Variants in WASHC2A observed in about 807,000 individuals in gnomAD.
WASHC2A encodes the protein WASH complex subunit 2A, also known as WASH complex subunit FAM21A.
WASHC2A carries 82 observed loss-of-function variants against 140.3 expected under a neutral mutation model. The observed-to-expected ratio is 0.58, with a 90% CI of 0.49 to 0.70. The LOEUF (loss-of-function observed/expected upper bound fraction) is 0.70. Among genes scored for constraint, WASHC2A ranks in the 30% least tolerant of loss-of-function variants. The pLI is 0.00. For synonymous variants in WASHC2A, 340 were observed against 560.8 expected (o/e 0.61, Z 5.56); for missense variants, 985 against 1,521.8 (o/e 0.65, Z 5.87).
intron 17 of WASHC2A, among the ~76,000 whole-genome samples, chr10:50,102,400 G>C (rs1589228903): frequency 6.6e-6 from 1 of 152,210 alleles, no homozygotes; most frequent in Non-Finnish European, 1.5e-5. Flanking sequence ...TATCAGTTAA[G>C]GGTCCGAAAC....
At chr10:50,088,077 C>T (rs1839544953) in intron 8 of WASHC2A, among the ~76,000 whole-genome samples, 1 of 151,800 alleles carries the variant, frequency 6.6e-6, no homozygotes, top group African/African-American at 2.4e-5. Context: ...CCTTGGCCTC[C>T]CAAAATGCTG....
rs1554885529 is a variant in WASHC2A at position 50,098,855 on chromosome 10, A to G, written c.1548+1053A>G. 2.7e-5 allele frequency among the ~76,000 whole-genome samples: 4 copies of G among 148,458 alleles called. No individual in the cohort carries two copies. The South Asian group carries it at 8.8e-4, about 32-fold the overall frequency. On this transcript the variant is annotated intron_variant, in intron 16 of 30. Coordinates refer to ENST00000282633, the MANE Select transcript of WASHC2A (RefSeq NM_001005751.3). Reference sequence around the variant, plus strand: ...AGAATACAAGCAGGCAGGGTTGTGCACTTCCAGTTGGATCACCTCCCAAGA... The same window carrying G: ...AGAATACAAGCAGGCAGGGTTGTGCGCTTCCAGTTGGATCACCTCCCAAGA...
Position 50,119,974 on chromosome 10 carries a change from T to C in WASHC2A, c.2478+205T>C, listed in dbSNP as rs1382920651. 7.3e-5 allele frequency among the ~76,000 whole-genome samples: 10 copies of C among 137,124 alleles called. 2 individuals are homozygous for C. In the East Asian group the frequency reaches 2.2e-3, roughly 30 times the overall value. The allele number at this position is 137,124 out of a possible 152,430, so 90.0% of individuals were successfully genotyped here. On this transcript the variant is annotated intron_variant, in intron 23 of 30. Coordinates refer to ENST00000282633, the MANE Select transcript of WASHC2A (RefSeq NM_001005751.3). ...GCAGTGTTAGGATAGGGGATTAGAA[T>C]TTCACCCCCCCTCTTCTGGGATTTA...
chr10:50,074,225 TGA>T (rs1263405021), intron 3 of WASHC2A, among the ~76,000 whole-genome samples: 1 of 108,452 alleles, frequency 9.2e-6, no homozygotes, highest in Non-Finnish European at 1.9e-5. Context: ...CATGAAGCTG[TGA>T]GTTTAGCAGG....
chr10:50,110,269 A>G lies in WASHC2A; in HGVS notation c.2038A>G (p.Ser680Gly), dbSNP rs1842167912. Residue 680 changes from serine (S) to glycine (G), a missense_variant and splice_region_variant, in exon 20 of 31, where the codon AGC (serine) becomes GGC (glycine). By Grantham distance (56) the Ser-to-Gly change is moderately conservative (BLOSUM62 0). Transcript: ENST00000282633. ...TGATCTTTTTGCCATTGCCAAGGACAGGTGAGATAGTCATTGGAAGGAGTC... is the reference window on the plus strand; with the variant it reads ...TGATCTTTTTGCCATTGCCAAGGACGGGTGAGATAGTCATTGGAAGGAGTC... ...EDDLFAIAKD[S>G]QKKTQRVSLL... is the part of the protein sequence containing the mutation. 4 of 1,611,766 alleles carry G rather than the reference A, an allele frequency of 2.5e-6. No individual in the cohort carries two copies. Among genetic ancestry groups the G allele is most frequent in the Non-Finnish European group, 3.4e-6 (4 of 1,179,754 alleles).
chr10:50,126,260 T>C, intron 26 of WASHC2A, 81 bp downstream of exon 26: 2 of 1,609,806 alleles, frequency 1.2e-6, no homozygotes, highest in Non-Finnish European at 1.7e-6. Flanking sequence ...CCCACAGTTA[T>C]TCAGACTTGT....
At chr10:50,106,560 G>A in intron 19 of WASHC2A, 95 bp downstream of exon 19, 3 of 1,529,612 alleles carry the variant, frequency 2.0e-6, no homozygotes, top group South Asian at 1.2e-5. Context: ...TTTATATCTC[G>A]TGATGTTCAG....
intron 3 of WASHC2A, among the ~76,000 whole-genome samples, chr10:50,070,981 G>T (rs1338161447): frequency 1.1e-5 from 1 of 94,784 alleles, no homozygotes. Flanking sequence ...GCGGTGAGCC[G>T]AGATCCTGCC....
intron 5 of WASHC2A, among the ~76,000 whole-genome samples, chr10:50,082,479 C>A (rs1247796341): frequency 7.8e-6 from 1 of 128,954 alleles, no homozygotes. Flanking sequence ...ACTTTCTTGA[C>A]CCTATTTTTT....
intron 3 of WASHC2A, among the ~76,000 whole-genome samples, chr10:50,075,251 G>T (rs1838216580): frequency 6.6e-6 from 1 of 150,806 alleles, no homozygotes; most frequent in Non-Finnish European, 1.5e-5. Context: ...TAAATAAATA[G>T]AAAAGTTCAG....
Position 50,090,396 on chromosome 10 carries a change from G to A in WASHC2A, c.733-380G>A, listed in dbSNP as rs1248941955. 3.4e-5 allele frequency among the ~76,000 whole-genome samples: 5 copies of A among 148,408 alleles called. No individual in the cohort carries two copies. In the South Asian group the frequency reaches 8.5e-4, roughly 25 times the overall value. ...TGCATGCGTGTAATCCCAGCTACTC[G>A]GAAGGCCGAGGCAGGAGAATAGCAT... On this transcript the variant is annotated intron_variant, in intron 8 of 30. Transcript: ENST00000282633.
intron 3 of WASHC2A, among the ~76,000 whole-genome samples, chr10:50,074,922 A>AT (rs1271920605): frequency 7.0e-6 from 1 of 143,876 alleles, no homozygotes; most frequent in East Asian, 1.9e-4. Context: ...TCTCAAAAAA[A>AT]TAATAATAAA....
chr10:50,069,929 A>C (rs1455291192), intron 3 of WASHC2A, among the ~76,000 whole-genome samples: 2 of 152,298 alleles, frequency 1.3e-5, no homozygotes, highest in Middle Eastern at 3.4e-3. Flanking sequence ...ATTTTCTTAT[A>C]CTTCGGTGCT....
At chr10:50,109,307 T>C (rs544605135) in intron 19 of WASHC2A, among the ~76,000 whole-genome samples, 4,096 of 152,322 alleles carry the variant, frequency 0.027, 164 homozygotes, top group African/African-American at 0.091. Context: ...CATTCAGACT[T>C]GTGGTAAAAG....
intron 3 of WASHC2A, among the ~76,000 whole-genome samples, chr10:50,070,646 A>T (rs1837716601): frequency 6.9e-6 from 1 of 144,844 alleles, no homozygotes; most frequent in South Asian, 2.2e-4. Flanking sequence ...GGAGAGCTAT[A>T]TATAAAATAA....
At chr10:50,126,741 C>A (rs1589284658) in intron 26 of WASHC2A, among the ~76,000 whole-genome samples, 1 of 151,670 alleles carries the variant, frequency 6.6e-6, no homozygotes, top group East Asian at 1.9e-4. Context: ...CTTGGACGAA[C>A]ACATCACCAC....
At position 50,125,118 on chromosome 10, in the gene WASHC2A, C is replaced by A. The variant is rs1387997998; in HGVS notation, c.2484C>A (p.Arg828=). The change falls in exon 24 of 31, where the codon CGC becomes CGA. Residue 828 remains arginine (R), a synonymous_variant. Transcript: ENST00000282633. Reference sequence around the variant, plus strand: ...ACCTTCCCTCCTGTTCCCAGGGCCGCGATCCTGATGCCCACCCCAAGAGCA... The same window carrying A: ...ACCTTCCCTCCTGTTCCCAGGGCCGAGATCCTGATGCCCACCCCAAGAGCA... ...QAPQKEVGKG[R]DPDAHPKSTG... 324 of 1,611,840 alleles carry A rather than the reference C, an allele frequency of 2.0e-4. No individual in the cohort carries two copies. The African/African-American group carries it at 3.8e-3, about 19-fold the overall frequency.
chr10:50,089,207 T>C (rs1394813388), intron 8 of WASHC2A, among the ~76,000 whole-genome samples: 12,267 of 92,756 alleles, frequency 0.13, 1,192 homozygotes, highest in Non-Finnish European at 0.16. Flanking sequence ...TCAGGTGATC[T>C]GCCTGCCTCA....
At chr10:50,082,964 T>G (rs186434380) in intron 5 of WASHC2A, among the ~76,000 whole-genome samples, 2,576 of 117,612 alleles carry the variant, frequency 0.022, 673 homozygotes, top group Non-Finnish European at 0.034. Context: ...GGGGGTATTG[T>G]TCTTCTGTTT....
Sources: allele counts gnomAD v4.1 joint callset (sites outside exome capture counted in the v4.1 genomes callset), GRCh38; gene constraint gnomAD v4.1.1; transcripts MANE v1.5; gene names NCBI Gene and HGNC (gene_info 2026-07-23, HGNC 2026-07-21).